POLD3: variants seen among roughly 807,000 people sequenced by gnomAD.
POLD3 encodes the protein DNA polymerase delta subunit 3.
In POLD3, 19 loss-of-function variants were observed where a neutral mutation model predicts 58.2. The ratio of observed to expected loss-of-function variants is 0.33; its 90% CI spans 0.23 to 0.48. POLD3 has a LOEUF of 0.48. POLD3 is among the 20% of genes least tolerant of loss of function. The probability of loss-of-function intolerance (pLI) is 0.99; values close to 1 mark genes in which losing one functional copy is unlikely to be tolerated. For missense variants in POLD3, 504 were observed against 545.5 expected (o/e 0.92, Z 0.76); for synonymous variants, 172 against 193.5 (o/e 0.89, Z 0.92).
In POLD3 at chr11:74,642,830, T is replaced by C. The variant is rs775562410; in HGVS notation, c.*2064T>C. 2.8e-5 allele frequency: 28 copies of C among 985,232 alleles called. No individual in the cohort carries two copies. The highest frequency in any genetic ancestry group is 1.1e-4 in the East Asian group (1 of 8,828). 61.0% of individuals were successfully genotyped at this position (985,232 alleles called of 1,614,324 possible). A position where few individuals can be genotyped will look rare whatever the true frequency, so the allele number is the denominator to read the frequency against. ...GAAGAAGGCTGGTTTTCAGTTGATA[T>C]TGTTAAAACTGCATACCCACAGTCT... On this transcript the variant is annotated 3_prime_UTR_variant, in exon 12 of 12. Coordinates refer to ENST00000263681, the MANE Select transcript of POLD3 (RefSeq NM_006591.3).
chr11:74,648,324 T>C (rs2033026469), intron 4 of POLD3, among the ~76,000 whole-genome samples: 1 of 152,332 alleles, frequency 6.6e-6, no homozygotes, highest in Middle Eastern at 3.4e-3. Context: ...GTTGGTGTTC[T>C]AGCTGGCCTG....
At chr11:74,639,108 C>G (rs2032838137) in intron 11 of POLD3, among the ~76,000 whole-genome samples, 1 of 152,140 alleles carries the variant, frequency 6.6e-6, no homozygotes, top group African/African-American at 2.4e-5. Context: ...ACATTAATTC[C>G]CAGAGTGTGG....
In POLD3 at chr11:74,600,873, A is replaced by G. The variant is rs563606697; in HGVS notation, c.117-3819A>G. On this transcript the variant is annotated intron_variant, in intron 2 of 11. Coordinates refer to ENST00000263681, the MANE Select transcript of POLD3 (RefSeq NM_006591.3). ...ACTGGGATTACGGGCATGCGCCACC[A>G]TGTGCCCGGCTAATTTTGTATTTTT... Among the ~76,000 whole-genome samples the G allele has an allele frequency of 4.0e-5, 6 of 151,860 alleles. No homozygotes were observed. The South Asian group carries it at 1.0e-3, about 26-fold the overall frequency.
At chr11:74,660,516 C>T (rs1172677101) in intron 4 of POLD3, among the ~76,000 whole-genome samples, 1 of 151,926 alleles carries the variant, frequency 6.6e-6, no homozygotes, top group African/African-American at 2.4e-5. Context: ...TCTTTTGTCT[C>T]CTGATATGGT....
chr11:74,649,736 G>A (rs971861229), intron 4 of POLD3, among the ~76,000 whole-genome samples: 9 of 152,138 alleles, frequency 5.9e-5, no homozygotes, highest in East Asian at 1.9e-4. Flanking sequence ...GGCCACGTGC[G>A]GTGGTTCATG....
downstream of POLD3, among the ~76,000 whole-genome samples, chr11:74,643,288 G>T (rs1158186796): frequency 6.6e-6 from 1 of 152,162 alleles, no homozygotes; most frequent in Non-Finnish European, 1.5e-5. Flanking sequence ...TTCATGAAAG[G>T]TTTAAAGAGA....
chr11:74,629,698 A>T (rs551555619), intron 9 of POLD3, among the ~76,000 whole-genome samples: 3 of 152,050 alleles, frequency 2.0e-5, no homozygotes, highest in Non-Finnish European at 4.4e-5. Flanking sequence ...TGGTCCACAC[A>T]GGTAAAACTA....
intron 4 of POLD3, among the ~76,000 whole-genome samples, chr11:74,651,119 A>T (rs900762589): frequency 6.6e-6 from 1 of 152,144 alleles, no homozygotes; most frequent in Admixed American, 6.5e-5. Context: ...CTTATTGGCT[A>T]TCTCCTCCAC....
chr11:74,603,513 G>T (rs2031571495), intron 2 of POLD3, among the ~76,000 whole-genome samples: 1 of 152,160 alleles, frequency 6.6e-6, no homozygotes, highest in South Asian at 2.1e-4. Context: ...AGGATGGTTG[G>T]TTTTGTCACT....
intron 11 of POLD3, among the ~76,000 whole-genome samples, chr11:74,640,203 T>C (rs1384110353): frequency 6.6e-6 from 1 of 152,106 alleles, no homozygotes; most frequent in African/African-American, 2.4e-5. Context: ...GAAGTAAGTG[T>C]TTAAGATATA....
At chr11:74,616,104 C>A (rs2032072305) in intron 5 of POLD3, among the ~76,000 whole-genome samples, 1 of 151,924 alleles carries the variant, frequency 6.6e-6, no homozygotes, top group Non-Finnish European at 1.5e-5. Context: ...AAATCAGTTC[C>A]CTTGTTATAT....
intron 4 of POLD3, among the ~76,000 whole-genome samples, chr11:74,650,158 T>C (rs1405305609): frequency 2.0e-5 from 3 of 152,360 alleles, no homozygotes; most frequent in Admixed American, 6.5e-5. Flanking sequence ...CTTTGGACTT[T>C]AATCTTACCT....
chr11:74,660,408 T>G (rs1158233174), intron 4 of POLD3, among the ~76,000 whole-genome samples: 1 of 152,230 alleles, frequency 6.6e-6, no homozygotes, highest in East Asian at 1.9e-4. Flanking sequence ...ACTATCTCTT[T>G]CTCTACCTCC....
intron 2 of POLD3, among the ~76,000 whole-genome samples, chr11:74,601,272 C>T (rs1031637754): frequency 6.6e-6 from 1 of 152,158 alleles, no homozygotes; most frequent in Non-Finnish European, 1.5e-5. Context: ...GTTTGTGGAT[C>T]TGTTAGCTCA....
chr11:74,640,844 AAG>A lies in POLD3; in HGVS notation c.*79_*80del. On this transcript the variant is annotated 3_prime_UTR_variant, in exon 12 of 12. Coordinates refer to ENST00000263681, the MANE Select transcript of POLD3 (RefSeq NM_006591.3). ...GAAATGTACTCCTCACTTACTATGTAAGTTCATCTAGATCTCCACCTCACCTG... is the reference window on the plus strand; with the variant it reads ...GAAATGTACTCCTCACTTACTATGTATTCATCTAGATCTCCACCTCACCTG... 7.2e-7 allele frequency: 1 copy of A among 1,386,658 alleles called. No individual in the cohort carries two copies. Among genetic ancestry groups the A allele is most frequent in the South Asian group, 1.9e-5 (1 of 53,412 alleles). 85.9% of individuals were successfully genotyped at this position (1,386,658 alleles called of 1,614,324 possible). A position where few individuals can be genotyped will look rare whatever the true frequency, so the allele number is the denominator to read the frequency against.
At chr11:74,596,885 C>T (rs1481128755) in intron 2 of POLD3, among the ~76,000 whole-genome samples, 1 of 152,190 alleles carries the variant, frequency 6.6e-6, no homozygotes, top group African/African-American at 2.4e-5. Flanking sequence ...TGGCTTATTT[C>T]AGTTAACATA....
At chr11:74,603,363 A>G (rs756028811) in intron 2 of POLD3, among the ~76,000 whole-genome samples, 41 of 152,190 alleles carry the variant, frequency 2.7e-4, no homozygotes, top group Non-Finnish European at 5.0e-4. Context: ...TTGGCAACTC[A>G]TTGGATAGGA....
chr11:74,594,393 A>T (rs1234491409), intron 2 of POLD3, among the ~76,000 whole-genome samples: 1 of 152,230 alleles, frequency 6.6e-6, no homozygotes, highest in African/African-American at 2.4e-5. Context: ...CCTTGTCTTA[A>T]CTAATTACAT....
intron 3 of POLD3, among the ~76,000 whole-genome samples, chr11:74,609,360 ATATATATATATATTTTTTTT>A (rs1450572015): frequency 1.6e-4 from 4 of 24,790 alleles, no homozygotes; most frequent in East Asian, 1.4e-3. Context: ...ATATATATAT[ATATATATATATATTTTTTTT>A]TTTTTTTTTT....
Sources: allele counts gnomAD v4.1 joint callset (sites outside exome capture counted in the v4.1 genomes callset), GRCh38; gene constraint gnomAD v4.1.1; transcripts MANE v1.5; gene names NCBI Gene and HGNC (gene_info 2026-07-23, HGNC 2026-07-21).